Variants in DIAPH3 observed in about 807,000 individuals in gnomAD.
The protein encoded by DIAPH3 is protein diaphanous homolog 3.
In DIAPH3, 117 loss-of-function variants were observed where a neutral mutation model predicts 144.3. The observed-to-expected ratio is 0.81, with a 90% CI of 0.70 to 0.95. The LOEUF is 0.95. DIAPH3 is among the 40% of genes least tolerant of loss of function. DIAPH3 has a pLI of 0.00. For synonymous variants in DIAPH3, 519 were observed against 488.9 expected (o/e 1.06, Z -0.81); for missense variants, 1,421 against 1,412.7 (o/e 1.01, Z -0.09).
intron 27 of DIAPH3, among the ~76,000 whole-genome samples, chr13:59,701,226 G>A (rs938876229): frequency 2.6e-5 from 4 of 152,070 alleles, no homozygotes; most frequent in Non-Finnish European, 4.4e-5. Flanking sequence ...CTGAATGTTC[G>A]CAATATGATA....
chr13:60,085,592 C>T (rs983147726), intron 4 of DIAPH3, among the ~76,000 whole-genome samples: 54 of 152,246 alleles, frequency 3.5e-4, no homozygotes, highest in African/African-American at 1.3e-3. Context: ...GATCATTCTA[C>T]TGGATATCAA....
At chr13:59,783,850 T>C (rs943313633) in intron 25 of DIAPH3, among the ~76,000 whole-genome samples, 3 of 152,178 alleles carry the variant, frequency 2.0e-5, no homozygotes, top group Admixed American at 6.5e-5. Flanking sequence ...ATTGATATTA[T>C]GGTAGAGCTT....
At chr13:60,139,592 C>T (rs1175602758) in intron 1 of DIAPH3, among the ~76,000 whole-genome samples, 2 of 152,050 alleles carry the variant, frequency 1.3e-5, no homozygotes, top group Non-Finnish European at 2.9e-5. Context: ...AGATGCATTT[C>T]TCTGAGAACA....
intron 5 of DIAPH3, chr13:60,020,895 T>C (rs547716120): frequency 9.2e-5 from 14 of 152,398 alleles, no homozygotes; most frequent in African/African-American, 3.4e-4. Flanking sequence ...ATCTGCTGTC[T>C]GACCTGAGTC....
intron 12 of DIAPH3, 148 bp downstream of exon 12, chr13:59,991,010 T>C (rs2051772562): frequency 1.7e-6 from 1 of 604,218 alleles, no homozygotes; most frequent in Non-Finnish European, 2.9e-6. Context: ...TACCTAAATA[T>C]ATGCCCAGAG....
intron 20 of DIAPH3, among the ~76,000 whole-genome samples, chr13:59,903,631 G>A (rs2046573693): frequency 6.6e-6 from 1 of 150,464 alleles, no homozygotes. Context: ...AAAAAAGTGT[G>A]AATTATGCAC....
intron 20 of DIAPH3, among the ~76,000 whole-genome samples, chr13:59,894,749 G>T (rs1457347963): frequency 6.6e-6 from 1 of 152,012 alleles, no homozygotes; most frequent in South Asian, 2.1e-4. Context: ...CAGTGTCAAG[G>T]AAACTTATAA....
chr13:59,989,637 A>G (rs1459559783), intron 12 of DIAPH3, among the ~76,000 whole-genome samples: 1 of 151,916 alleles, frequency 6.6e-6, no homozygotes, highest in Non-Finnish European at 1.5e-5. Context: ...TCTATGCCTT[A>G]ATGTCATTTT....
At chr13:59,675,868 T>G (rs1023090092) in intron 27 of DIAPH3, among the ~76,000 whole-genome samples, 1 of 152,178 alleles carries the variant, frequency 6.6e-6, no homozygotes, top group African/African-American at 2.4e-5. Context: ...TTCCCAAGGA[T>G]GAAGAGGCTG....
Position 59,703,603 on chromosome 13 carries a change from T to C in DIAPH3, c.3320-36757A>G, listed in dbSNP as rs553189113. Among the ~76,000 whole-genome samples, 3 of 152,188 alleles carry C rather than the reference T, an allele frequency of 2.0e-5. No individual in the cohort carries two copies. The East Asian group carries it at 5.8e-4, about 29-fold the overall frequency. ...TTCTAGAATTTCCATTAGATTCTTT[T>C]GATAGATTCTTATTATTGGGTGAAG... On this transcript the variant is annotated intron_variant, in intron 27 of 27. Transcript: ENST00000400324.
In DIAPH3 at chr13:60,130,718, G is replaced by A. The variant is rs192455186; in HGVS notation, c.213+2239C>T. Among the ~76,000 whole-genome samples the A allele has an allele frequency of 3.3e-4, 50 of 152,282 alleles. No homozygotes were observed. The Middle Eastern group carries it at 0.02, about 62-fold the overall frequency. ...GTACTGGAAGTATTCATTACACATC[G>A]TCCCTGCCTTCAAAAGGTTTAAACC... On this transcript the variant is annotated intron_variant, in intron 2 of 27. Transcript: ENST00000400324.
intron 17 of DIAPH3, among the ~76,000 whole-genome samples, chr13:59,937,324 A>G (rs2048316634): frequency 6.6e-6 from 1 of 152,250 alleles, no homozygotes; most frequent in African/African-American, 2.4e-5. Context: ...AAAAGAAAGT[A>G]CAAGAGAGGA....
chr13:59,692,138 T>TTTTTC (rs2033560755), intron 27 of DIAPH3, among the ~76,000 whole-genome samples: 1 of 15,806 alleles, frequency 6.3e-5, no homozygotes, highest in Non-Finnish European at 1.2e-4. Flanking sequence ...TGAGAAATTC[T>TTTTTC]TTTTTTTTTT....
intron 1 of DIAPH3, among the ~76,000 whole-genome samples, chr13:60,143,770 C>T (rs753857873): frequency 2.2e-4 from 34 of 152,166 alleles, no homozygotes; most frequent in Non-Finnish European, 4.4e-4. Context: ...CTTTCACATG[C>T]TGTCATATTT....
intron 22 of DIAPH3, among the ~76,000 whole-genome samples, chr13:59,844,417 T>C (rs1001199365): frequency 1.3e-5 from 2 of 148,878 alleles, no homozygotes; most frequent in African/African-American, 5.0e-5. Context: ...GGCAGGAGAA[T>C]GGCATGAACC....
At chr13:60,043,997 T>A (rs2055881164) in intron 4 of DIAPH3, among the ~76,000 whole-genome samples, 1 of 151,940 alleles carries the variant, frequency 6.6e-6, no homozygotes, top group Non-Finnish European at 1.5e-5. Flanking sequence ...ATAAGACAGC[T>A]AACCATGCAT....
At chr13:59,684,593 C>G (rs1166184108) in intron 27 of DIAPH3, among the ~76,000 whole-genome samples, 1 of 152,176 alleles carries the variant, frequency 6.6e-6, no homozygotes, top group Non-Finnish European at 1.5e-5. Context: ...TATGCAAAAG[C>G]TCTTTGAAAA....
rs184342089 is a variant in DIAPH3, at chr13:59,816,521, T to G, written c.3028-5598A>C. The stretch of plus-strand genomic sequence containing the variant: ...ATCCTCAATATTATTTATCTTCTCT[T>G]TTTCTTGATTAATCTTTTTAGCAAT... On this transcript the variant is annotated intron_variant, in intron 24 of 27. Coordinates refer to ENST00000400324, the MANE Select transcript of DIAPH3 (RefSeq NM_001042517.2). Among the ~76,000 whole-genome samples the G allele has an allele frequency of 2.5e-3, 384 of 151,764 alleles. 1 individual carries two copies. The highest frequency in any genetic ancestry group is 5.5e-3 in the Admixed American group (84 of 15,234).
At chr13:59,735,937 C>T (rs1039411940) in intron 27 of DIAPH3, among the ~76,000 whole-genome samples, 1 of 152,120 alleles carries the variant, frequency 6.6e-6, no homozygotes, top group Non-Finnish European at 1.5e-5. Context: ...ATCCTCTCTC[C>T]TACCACCCTG....
Sources: gnomAD v4.1 joint callset for allele counts (sites outside exome capture counted in the v4.1 genomes callset) on GRCh38, gnomAD v4.1.1 for gene constraint, MANE v1.5 for transcripts, NCBI Gene and HGNC (gene_info 2026-07-23, HGNC 2026-07-21) for gene names.